TBC1D23: variants seen among roughly 807,000 people sequenced by gnomAD.
The protein encoded by TBC1D23 is HCV non-structural protein 4A-transactivated protein 1.
In TBC1D23, 55 loss-of-function variants were observed where a neutral mutation model predicts 91.4. The observed-to-expected ratio is 0.60, with a 90% CI of 0.48 to 0.75. TBC1D23 has a LOEUF of 0.75. TBC1D23 is among the 30% of genes least tolerant of loss of function. The probability of loss-of-function intolerance (pLI) is 0.00; values close to 1 mark genes in which losing one functional copy is unlikely to be tolerated. For synonymous variants in TBC1D23, 289 were observed against 281.0 expected (o/e 1.03, Z -0.28); for missense variants, 725 against 836.1 (o/e 0.87, Z 1.64).
At chr3:100,273,079 G>T (rs557487282) in intron 1 of TBC1D23, among the ~76,000 whole-genome samples, 10 of 152,168 alleles carry the variant, frequency 6.6e-5, no homozygotes, top group Admixed American at 2.6e-4. Flanking sequence ...GTCTTTCCCT[G>T]CCCACGAGGC....
intron 1 of TBC1D23, among the ~76,000 whole-genome samples, chr3:100,272,404 C>T (rs1293501786): frequency 2.6e-5 from 4 of 152,068 alleles, no homozygotes; most frequent in Non-Finnish European, 4.4e-5. Flanking sequence ...TGATAATGGC[C>T]TCCAGAGATG....
chr3:100,303,606 A>G (rs1202095649), intron 11 of TBC1D23, among the ~76,000 whole-genome samples: 2 of 152,096 alleles, frequency 1.3e-5, no homozygotes, highest in Non-Finnish European at 2.9e-5. Flanking sequence ...CCCTGTCTCT[A>G]CAAAAAATAA....
rs2067512499 is a variant in TBC1D23 at position 100,261,708 on chromosome 3, G to A, written c.53+637G>A. Reference sequence around the variant, plus strand: ...GGGACTTTGCTCTTACTGCACCCAAGCTGTTGCATGCTTACCTGATTTATA... The same window carrying A: ...GGGACTTTGCTCTTACTGCACCCAAACTGTTGCATGCTTACCTGATTTATA... On this transcript the variant is annotated intron_variant, in intron 1 of 18. Coordinates refer to ENST00000394144, the MANE Select transcript of TBC1D23 (RefSeq NM_001199198.3). Among the ~76,000 whole-genome samples the A allele has an allele frequency of 2.6e-5, 4 of 152,166 alleles. No individual in the cohort carries two copies. The South Asian group carries it at 8.3e-4, about 32-fold the overall frequency.
At chr3:100,277,969 A>C (rs1559802106) in intron 1 of TBC1D23, among the ~76,000 whole-genome samples, 1 of 152,164 alleles carries the variant, frequency 6.6e-6, no homozygotes, top group South Asian at 2.1e-4. Flanking sequence ...TGTTCATATG[A>C]ATTTGTAGTA....
At chr3:100,304,667 A>G (rs1451471989) in intron 11 of TBC1D23, among the ~76,000 whole-genome samples, 179 bp from the exon 12 acceptor site, 1 of 152,200 alleles carries the variant, frequency 6.6e-6, no homozygotes, top group Non-Finnish European at 1.5e-5. Flanking sequence ...AGAACTTACA[A>G]TGCATAATAA....
intron 12 of TBC1D23, among the ~76,000 whole-genome samples, chr3:100,305,957 T>TG (rs1432740978): frequency 6.6e-6 from 1 of 152,188 alleles, no homozygotes; most frequent in Non-Finnish European, 1.5e-5. Context: ...TTTAGAAAAT[T>TG]TTTTAAAACC....
At chr3:100,306,320 A>G in intron 12 of TBC1D23, 117 bp from the exon 13 acceptor site, 769 of 434,770 alleles carry the variant, frequency 1.8e-3, no homozygotes, top group East Asian at 3.7e-3. Context: ...ACCTGTGATT[A>G]TTTCCTTCAG....
intron 4 of TBC1D23, among the ~76,000 whole-genome samples, chr3:100,290,178 A>ATT (rs1431662031): frequency 2.0e-5 from 3 of 152,232 alleles, no homozygotes; most frequent in Non-Finnish European, 4.4e-5. Context: ...GCTAAAGGAC[A>ATT]TTCCTGATTG....
At position 100,296,297 on chromosome 3, in the gene TBC1D23, A is replaced by G. The variant is rs1576173506; in HGVS notation, c.876+22A>G. ...GAAGGTATAAGACCAGAAATGACCA[A>G]CTATGTTGTATTTCATATTTTGTAC... is the stretch of plus-strand genomic sequence containing the variant. On this transcript the variant is annotated intron_variant, in intron 8 of 18. Transcript: ENST00000394144. 7.7e-6 allele frequency: 10 copies of G among 1,294,810 alleles called. No individual in the cohort carries two copies. In the East Asian group the frequency reaches 2.1e-4, roughly 27 times the overall value. 80.2% of individuals were successfully genotyped at this position (1,294,810 alleles called of 1,614,324 possible). A position where few individuals can be genotyped will look rare whatever the true frequency, so the allele number is the denominator to read the frequency against.
intron 1 of TBC1D23, among the ~76,000 whole-genome samples, chr3:100,279,108 C>T (rs1256181665): frequency 6.6e-6 from 1 of 152,116 alleles, no homozygotes; most frequent in African/African-American, 2.4e-5. Flanking sequence ...GACATGTGAC[C>T]CTATACCATA....
intron 13 of TBC1D23, among the ~76,000 whole-genome samples, chr3:100,308,631 ATG>A (rs1559813216): frequency 6.6e-6 from 1 of 152,218 alleles, no homozygotes; most frequent in Admixed American, 6.5e-5. Flanking sequence ...TTTTTAGTGA[ATG>A]TGTTTCTTTA....
chr3:100,287,165 T>C (rs181598617), intron 4 of TBC1D23, among the ~76,000 whole-genome samples: 1 of 152,026 alleles, frequency 6.6e-6, no homozygotes, highest in African/African-American at 2.4e-5. Flanking sequence ...CAGACTAGAG[T>C]GGAGTTGCTT....
chr3:100,269,165 A>G (rs894025721), intron 1 of TBC1D23, among the ~76,000 whole-genome samples: 4 of 152,192 alleles, frequency 2.6e-5, no homozygotes, highest in African/African-American at 9.6e-5. Context: ...GCATACAATG[A>G]TGAAATACTG....
At chr3:100,314,032 T>C in intron 15 of TBC1D23, among the ~76,000 whole-genome samples, 1 of 139,700 alleles carries the variant, frequency 7.2e-6, no homozygotes, top group South Asian at 2.3e-4. Flanking sequence ...TAAACTCTCA[T>C]TATATTTATT....
rs1282885633 is a variant in TBC1D23 at position 100,325,017 on chromosome 3, A to C, written c.*1349A>C. ...AAAAACAGTTTGAGTGGTTGAAGAC[A>C]TCTGCATGAAATTGCACCTAGGTGC... On this transcript the variant is annotated 3_prime_UTR_variant, in exon 19 of 19. Coordinates refer to ENST00000394144, the MANE Select transcript of TBC1D23 (RefSeq NM_001199198.3). The C allele has an allele frequency of 6.6e-6, 1 of 152,244 alleles. No individual in the cohort carries two copies. Among genetic ancestry groups the C allele is most frequent in the Non-Finnish European group, 1.5e-5 (1 of 68,038 alleles). The allele number at this position is 152,244 out of a possible 1,614,324, so 9.4% of individuals were successfully genotyped here. A position where few individuals can be genotyped will look rare whatever the true frequency, so the allele number is the denominator to read the frequency against.
chr3:100,261,622 T>C (rs1178470340), intron 1 of TBC1D23: 1 of 152,480 alleles, frequency 6.6e-6, no homozygotes, highest in Non-Finnish European at 1.5e-5. Flanking sequence ...TTCACGCAAG[T>C]CATCTTTTCC....
chr3:100,263,502 A>G (rs1049802502), intron 1 of TBC1D23, among the ~76,000 whole-genome samples: 2 of 152,262 alleles, frequency 1.3e-5, no homozygotes, highest in African/African-American at 4.8e-5. Flanking sequence ...TTGTTTTGAG[A>G]GTAAGAATGA....
intron 4 of TBC1D23, among the ~76,000 whole-genome samples, chr3:100,289,786 G>A (rs1031164302): frequency 1.3e-5 from 2 of 152,138 alleles, no homozygotes; most frequent in Admixed American, 6.5e-5. Context: ...TTAGGGGTAC[G>A]TGTGCAGGTT....
intron 17 of TBC1D23, among the ~76,000 whole-genome samples, chr3:100,319,542 C>CCT (rs1238913128): frequency 2.6e-5 from 4 of 152,110 alleles, no homozygotes; most frequent in Non-Finnish European, 5.9e-5. Flanking sequence ...GATTCTCCTG[C>CCT]CTCAGCCTCC....
Sources: gnomAD v4.1 joint callset for allele counts (sites outside exome capture counted in the v4.1 genomes callset) on GRCh38, gnomAD v4.1.1 for gene constraint, MANE v1.5 for transcripts, NCBI Gene and HGNC (gene_info 2026-07-23, HGNC 2026-07-21) for gene names.